RAD51B: variants seen among roughly 807,000 people sequenced by gnomAD.
The protein encoded by RAD51B is DNA repair protein RAD51 homolog 2.
In RAD51B, 38 loss-of-function variants were observed where a neutral mutation model predicts 42.2. The observed-to-expected ratio is 0.90, with a 90% CI of 0.70 to 1.18. The LOEUF is 1.18. RAD51B is among the 50% of genes most tolerant of loss of function. The probability of loss-of-function intolerance (pLI) is 0.00; values close to 1 mark genes in which losing one functional copy is unlikely to be tolerated. For synonymous variants in RAD51B, 154 were observed against 145.2 expected (o/e 1.06, Z -0.43); for missense variants, 373 against 400.7 (o/e 0.93, Z 0.59).
chr14:67,923,418 G>C (rs1470377823), intron 7 of RAD51B, among the ~76,000 whole-genome samples: 1 of 150,400 alleles, frequency 6.6e-6, no homozygotes, highest in Non-Finnish European at 1.5e-5. Flanking sequence ...TCCTGCCTCA[G>C]CCTCCCAAGT....
intron 10 of RAD51B, among the ~76,000 whole-genome samples, chr14:68,471,737 C>A (rs911707864): frequency 6.6e-6 from 1 of 152,090 alleles, no homozygotes; most frequent in African/African-American, 2.4e-5. Flanking sequence ...AAAGAACCCC[C>A]CTCCTCCCAG....
At chr14:68,047,402 T>C (rs2076319731) in intron 7 of RAD51B, among the ~76,000 whole-genome samples, 1 of 152,144 alleles carries the variant, frequency 6.6e-6, no homozygotes, top group African/African-American at 2.4e-5. Context: ...TATTAGATAT[T>C]TTAAATTTAT....
intron 11 of RAD51B, among the ~76,000 whole-genome samples, chr14:68,673,773 G>A (rs993477156): frequency 1.2e-4 from 17 of 141,688 alleles, no homozygotes; most frequent in Middle Eastern, 4.5e-3. Context: ...ATCCACACAC[G>A]TACACATACA....
chr14:67,905,194 T>C (rs1347942519), intron 7 of RAD51B, among the ~76,000 whole-genome samples: 2 of 152,096 alleles, frequency 1.3e-5, no homozygotes, highest in Non-Finnish European at 2.9e-5. Flanking sequence ...TGGGATTACT[T>C]GTTTTCATAA....
intron 11 of RAD51B, among the ~76,000 whole-genome samples, chr14:68,679,497 A>G (rs1893382525): frequency 6.6e-6 from 1 of 152,220 alleles, no homozygotes; most frequent in Admixed American, 6.5e-5. Flanking sequence ...AAATGGGCCC[A>G]ATGCTGATAG....
At chr14:68,475,418 C>T (rs942625030) in intron 10 of RAD51B, among the ~76,000 whole-genome samples, 4 of 152,182 alleles carry the variant, frequency 2.6e-5, no homozygotes, top group African/African-American at 9.7e-5. Flanking sequence ...AAAGTGCCAT[C>T]AGGACCCTCT....
chr14:68,423,221 T>C (rs2084753022), intron 9 of RAD51B, among the ~76,000 whole-genome samples: 2 of 152,298 alleles, frequency 1.3e-5, no homozygotes, highest in South Asian at 4.1e-4. Context: ...CAGAATTCTC[T>C]GAGAGTCAAA....
intron 7 of RAD51B, among the ~76,000 whole-genome samples, chr14:68,034,943 G>C (rs1230501249): frequency 6.7e-6 from 1 of 149,992 alleles, no homozygotes; most frequent in African/African-American, 2.5e-5. Flanking sequence ...GCAGAAATAA[G>C]AGGAGGATTT....
chr14:67,844,672 A>C (rs1015815524), intron 4 of RAD51B, among the ~76,000 whole-genome samples: 14 of 150,980 alleles, frequency 9.3e-5, no homozygotes, highest in African/African-American at 3.4e-4. Flanking sequence ...CACAGCGTGC[A>C]GGTTTGTTAC....
rs540621371 is a variant in RAD51B, at chr14:68,175,463, A to G, written c.757-116421A>G. On this transcript the variant is annotated intron_variant, in intron 7 of 10. Transcript: ENST00000471583. ...GTTTGGGATGTGCTACCTCACAAGCATAGCTGGCTGGGGATAGTCTTTAGG... is the reference window on the plus strand; with the variant it reads ...GTTTGGGATGTGCTACCTCACAAGCGTAGCTGGCTGGGGATAGTCTTTAGG... Among the ~76,000 whole-genome samples the G allele has an allele frequency of 1.8e-4, 28 of 152,324 alleles. 1 individual carries two copies. The highest frequency in any genetic ancestry group is 3.7e-4 in the Non-Finnish European group (25 of 68,028).
chr14:68,018,471 T>C (rs958016108), intron 7 of RAD51B, among the ~76,000 whole-genome samples: 2 of 152,238 alleles, frequency 1.3e-5, no homozygotes, highest in Admixed American at 6.5e-5. Flanking sequence ...AAGGTTGTAA[T>C]ATCTGTTACC....
chr14:67,967,843 T>C (rs1272173643), intron 7 of RAD51B, among the ~76,000 whole-genome samples: 1 of 152,174 alleles, frequency 6.6e-6, no homozygotes, highest in African/African-American at 2.4e-5. Context: ...CCTCTTCTCA[T>C]AGCTCCACTA....
chr14:68,332,601 A>C (rs2082372331), intron 8 of RAD51B, among the ~76,000 whole-genome samples: 1 of 152,226 alleles, frequency 6.6e-6, no homozygotes, highest in Admixed American at 6.5e-5. Flanking sequence ...GAAGGAGCTT[A>C]TAACTATGTA....
intron 8 of RAD51B, among the ~76,000 whole-genome samples, chr14:68,392,182 T>G (rs2083776336): frequency 1.3e-5 from 2 of 152,198 alleles, no homozygotes; most frequent in African/African-American, 4.8e-5. Flanking sequence ...TAAAATCAAA[T>G]TCTGTTTAAA....
intron 7 of RAD51B, among the ~76,000 whole-genome samples, chr14:67,997,035 A>G (rs1310344012): frequency 2.0e-5 from 3 of 152,146 alleles, no homozygotes; most frequent in African/African-American, 4.8e-5. Context: ...CTTAGATGGG[A>G]AGGAAGGCTG....
intron 7 of RAD51B, among the ~76,000 whole-genome samples, chr14:67,913,058 G>A (rs12100584): frequency 0.28 from 41,872 of 152,024 alleles, 7,533 homozygotes; most frequent in African/African-American, 0.51. Flanking sequence ...TAATAGTATC[G>A]TAAGTTTTTC....
intron 7 of RAD51B, among the ~76,000 whole-genome samples, chr14:68,285,427 G>C (rs568409804): frequency 2.0e-5 from 3 of 152,200 alleles, no homozygotes; most frequent in African/African-American, 7.2e-5. Context: ...TGCCTTCAGA[G>C]CTGATGAAAG....
At chr14:68,648,148 C>T (rs1396800227) in intron 10 of RAD51B, among the ~76,000 whole-genome samples, 6 of 77,694 alleles carry the variant, frequency 7.7e-5, no homozygotes, top group African/African-American at 3.5e-4. Flanking sequence ...TATATATATA[C>T]ACACACGTAT....
At chr14:68,655,408 G>A (rs555234131) in intron 11 of RAD51B, among the ~76,000 whole-genome samples, 9 of 152,246 alleles carry the variant, frequency 5.9e-5, no homozygotes, top group African/African-American at 9.6e-5. Context: ...TCAAATAGAC[G>A]GGGTGTGGGG....
Sources: gnomAD v4.1 joint callset for allele counts (sites outside exome capture counted in the v4.1 genomes callset) on GRCh38, gnomAD v4.1.1 for gene constraint, MANE v1.5 for transcripts, NCBI Gene and HGNC (gene_info 2026-07-23, HGNC 2026-07-21) for gene names.